The following IRAG1 variants were observed in gnomAD, a reference collection of about 807,000 sequenced individuals.
The protein encoded by IRAG1 is IP3R-associated cGMP kinase substrate.
A neutral mutation model predicts 106.2 loss-of-function variants in IRAG1; 62 were observed. That is an observed-to-expected ratio of 0.58 (90% CI 0.48 to 0.72). The LOEUF (loss-of-function observed/expected upper bound fraction) is 0.72. Ranked by LOEUF, IRAG1 falls within the 30% of genes least tolerant of loss-of-function variation. The pLI is 0.00. For missense variants in IRAG1, 1,064 were observed against 1,140.7 expected, an observed-to-expected ratio of 0.93 and a Z score of 0.97; for synonymous variants, 462 against 443.9, an observed-to-expected ratio of 1.04 and a Z score of -0.51.
chr11:10,627,801 G>A (rs1319389723), intron 7 of IRAG1, 41 bp from the exon 8 acceptor site: 3 of 1,613,222 alleles, frequency 1.9e-6, no homozygotes, highest in Non-Finnish European at 1.7e-6. Flanking sequence ...GCAATGGGAA[G>A]AGACCGTGTT....
At position 10,637,974 on chromosome 11, in the gene IRAG1, G is replaced by A. The variant is rs528674713; in HGVS notation, c.226-3903C>T. ...GTGTGGGTTTTCTGGTGAGTAGGAA[G>A]AGCTGAAGTCTTTCCAGAGGAATCT... On this transcript the variant is annotated intron_variant, in intron 2 of 20. Transcript: ENST00000423302. Among the ~76,000 whole-genome samples, 406 of 152,346 alleles carry A rather than the reference G, an allele frequency of 2.7e-3. 1 individual carries two copies. The highest frequency in any genetic ancestry group is 9.5e-3 in the African/African-American group (394 of 41,574).
At chr11:10,687,394 C>T (rs995216971) in intron 1 of IRAG1, 6 of 175,172 alleles carry the variant, frequency 3.4e-5, no homozygotes, top group Non-Finnish European at 7.3e-5. Flanking sequence ...AGGGGACACA[C>T]ATTCTGCTCT....
chr11:10,635,136 C>T (rs919811903), intron 2 of IRAG1, among the ~76,000 whole-genome samples: 11 of 152,316 alleles, frequency 7.2e-5, no homozygotes, highest in Non-Finnish European at 1.5e-4. Flanking sequence ...CACCCACACA[C>T]CCCTGAGGTT....
At chr11:10,683,800 T>G (rs1861448787) in intron 1 of IRAG1, among the ~76,000 whole-genome samples, 1 of 151,970 alleles carries the variant, frequency 6.6e-6, no homozygotes, top group African/African-American at 2.4e-5. Context: ...GGTAATACGA[T>G]TTTCTTCTCT....
At chr11:10,649,618 C>A (rs1283419512) in intron 2 of IRAG1, among the ~76,000 whole-genome samples, 3 of 152,186 alleles carry the variant, frequency 2.0e-5, no homozygotes, top group Non-Finnish European at 4.4e-5. Flanking sequence ...AGGACCTGGG[C>A]TTCTCGGCTC....
rs767700500 is a variant in IRAG1 at position 10,629,609 on chromosome 11, T to G, written c.503A>C (p.Lys168Thr). Residue 168 changes from lysine (K) to threonine (T), a missense_variant, in exon 5 of 21, where the codon AAG (lysine) becomes ACG (threonine). Physicochemically the swap from Lys to Thr is moderately conservative, Grantham distance 78 (BLOSUM62 -1). Coordinates refer to ENST00000423302, the MANE Select transcript of IRAG1 (RefSeq NM_130385.4). Reference sequence around the variant, plus strand: ...GGTCAGGAATCGCTCACTCACCAACTTGGCTTCTTCCAGCAGCGCCAGGTT... The same window carrying G: ...GGTCAGGAATCGCTCACTCACCAACGTGGCTTCTTCCAGCAGCGCCAGGTT... ...KKNLALLEEA[K>T]LVSERFLTRR... 1 of 1,614,048 alleles carries G rather than the reference T, an allele frequency of 6.2e-7. No homozygotes were observed. The highest frequency in any genetic ancestry group is 2.2e-5 in the East Asian group (1 of 44,886).
chr11:10,577,723 A>G (rs1249422737), intron 20 of IRAG1, among the ~76,000 whole-genome samples: 3 of 152,198 alleles, frequency 2.0e-5, no homozygotes, highest in Non-Finnish European at 4.4e-5. Flanking sequence ...GACAGACTCA[A>G]TAAATGCCCT....
At chr11:10,589,505 G>A (rs1433731334) in intron 18 of IRAG1, among the ~76,000 whole-genome samples, 1 of 152,070 alleles carries the variant, frequency 6.6e-6, no homozygotes, top group Non-Finnish European at 1.5e-5. Context: ...CTGACCTCAT[G>A]AACCACCCGC....
At chr11:10,626,631 G>A (rs1323829489) in intron 8 of IRAG1, 48 bp from the exon 9 acceptor site, 1 of 1,535,704 alleles carries the variant, frequency 6.5e-7, no homozygotes, top group South Asian at 1.3e-5. Context: ...AGGTTGAGGG[G>A]AAACAGGTGA....
In IRAG1 at chr11:10,600,228, G is replaced by A. The variant is rs529160167; in HGVS notation, c.2017+690C>T. On this transcript the variant is annotated intron_variant, in intron 15 of 20. Coordinates refer to ENST00000423302, the MANE Select transcript of IRAG1 (RefSeq NM_130385.4). Reference sequence around the variant, plus strand: ...AGCAGAATCAGGTGGGCCCTCCCCCGTGCTCCTATAGCAATTCGTATAGAA... The same window carrying A: ...AGCAGAATCAGGTGGGCCCTCCCCCATGCTCCTATAGCAATTCGTATAGAA... Among the ~76,000 whole-genome samples the A allele has an allele frequency of 1.9e-3, 292 of 152,190 alleles. 1 individual carries two copies. The highest frequency in any genetic ancestry group is 6.7e-3 in the African/African-American group (277 of 41,524).
chr11:10,682,868 C>T (rs1861373273), intron 1 of IRAG1, among the ~76,000 whole-genome samples: 2 of 152,110 alleles, frequency 1.3e-5, no homozygotes, highest in Admixed American at 6.5e-5. Flanking sequence ...CAATCCTGTC[C>T]CCTGGCCATG....
intron 1 of IRAG1, among the ~76,000 whole-genome samples, chr11:10,656,185 T>C (rs1216143047): frequency 2.0e-5 from 3 of 152,174 alleles, no homozygotes; most frequent in Non-Finnish European, 2.9e-5. Flanking sequence ...GGAAAAAATA[T>C]TTAGTAATGT....
chr11:10,598,903 C>T (rs1853628708), intron 15 of IRAG1, among the ~76,000 whole-genome samples: 1 of 152,144 alleles, frequency 6.6e-6, no homozygotes, highest in Non-Finnish European at 1.5e-5. Context: ...CTTCAAAACC[C>T]CAGGCATAGA....
chr11:10,606,822 A>T, intron 11 of IRAG1, 50 bp from the exon 12 acceptor site: 2 of 1,517,778 alleles, frequency 1.3e-6, no homozygotes, highest in Non-Finnish European at 1.8e-6. Flanking sequence ...TAGTCAATAG[A>T]CCCAAAGGTG....
intron 4 of IRAG1, 85 bp from the exon 5 acceptor site, chr11:10,629,796 G>A (rs1031224590): frequency 2.8e-6 from 4 of 1,421,964 alleles, no homozygotes; most frequent in Non-Finnish European, 3.8e-6. Context: ...CTCATCCCAG[G>A]GACTCTGCCC....
chr11:10,604,158 G>C (rs929127310), intron 13 of IRAG1, among the ~76,000 whole-genome samples: 8 of 152,168 alleles, frequency 5.3e-5, no homozygotes, highest in African/African-American at 7.2e-5. Context: ...GTCACACCCA[G>C]GCCACCCTGC....
chr11:10,601,772 G>A (rs34866590), intron 14 of IRAG1, among the ~76,000 whole-genome samples: 9,256 of 152,304 alleles, frequency 0.061, 373 homozygotes, highest in Middle Eastern at 0.14. Flanking sequence ...GGGACTCAAG[G>A]GAGTGAGACT....
chr11:10,623,031 G>A (rs1855960498), intron 10 of IRAG1, among the ~76,000 whole-genome samples: 1 of 152,198 alleles, frequency 6.6e-6, no homozygotes, highest in South Asian at 2.1e-4. Flanking sequence ...ACCTAAGAAG[G>A]CAGGTACTGT....
At chr11:10,590,016 C>G (rs1316979838) in intron 18 of IRAG1, among the ~76,000 whole-genome samples, 1 of 152,286 alleles carries the variant, frequency 6.6e-6, no homozygotes, top group South Asian at 2.1e-4. Flanking sequence ...TTGAGTGGCT[C>G]TGCAGGCCTA....
Sources: allele counts gnomAD v4.1 joint callset (sites outside exome capture counted in the v4.1 genomes callset), GRCh38; gene constraint gnomAD v4.1.1; transcripts MANE v1.5; gene names NCBI Gene and HGNC (gene_info 2026-07-23, HGNC 2026-07-21).